The following STRA8 variants were observed in gnomAD, a reference collection of about 807,000 sequenced individuals.
The protein encoded by STRA8 is stimulated by retinoic acid gene 8 protein homolog.
Under a neutral mutation model 37.1 loss-of-function variants are expected in STRA8, and 18 were observed. The ratio of observed to expected loss-of-function variants is 0.48; its 90% CI spans 0.34 to 0.72. STRA8 has a LOEUF of 0.72. Among genes scored for constraint, STRA8 ranks in the 30% least tolerant of loss-of-function variants. STRA8 has a pLI of 0.01. For missense variants in STRA8, 357 were observed against 410.4 expected, an observed-to-expected ratio of 0.87 and a Z score of 1.13; for synonymous variants, 168 against 162.9, an observed-to-expected ratio of 1.03 and a Z score of -0.24.
chr7:135,232,565 C>T (rs1562966821), upstream of STRA8, among the ~76,000 whole-genome samples: 1 of 151,878 alleles, frequency 6.6e-6, no homozygotes, highest in African/African-American at 2.4e-5. Flanking sequence ...ATCGCTTGAG[C>T]CCGGGAATTC....
At chr7:135,258,237 T>A (rs950446563) in intron 8 of STRA8, among the ~76,000 whole-genome samples, 181 bp from the exon 9 acceptor site, 1 of 126,000 alleles carries the variant, frequency 7.9e-6, no homozygotes, top group Non-Finnish European at 1.6e-5. Context: ...GAAATGGAAA[T>A]GGGACCTTCC....
intron 2 of STRA8, 103 bp from the exon 3 acceptor site, chr7:135,242,678 C>A: frequency 2.0e-6 from 2 of 1,008,910 alleles, no homozygotes; most frequent in South Asian, 1.4e-5. Flanking sequence ...GACTTTGCAT[C>A]TGAGGGAGCG....
Position 135,255,139 on chromosome 7 carries a change from GA to G in STRA8, c.983del (p.Asn328ThrfsTer26). ...TTCAGTGCTTGCCAGCTGCAACCCA[GA>G]AAACCCAGAGGAGAAGTTTCAGCTC... is the stretch of plus-strand genomic sequence containing the variant. Reference protein sequence around the residue: ...SSSVLASCNPENPEEKFQLYM... With the variant: ...SSSVLASCNPXNPEEKFQLYM... On this transcript the variant is annotated frameshift_variant, in exon 8 of 9. Transcript: ENST00000662584. LOFTEE classifies it high-confidence loss of function. 6.2e-7 allele frequency: 1 copy of G among 1,614,016 alleles called. No homozygotes were observed. The highest frequency in any genetic ancestry group is 8.5e-7 in the Non-Finnish European group (1 of 1,179,924).
In STRA8 at chr7:135,246,851, T is replaced by A; in HGVS notation, c.879+149T>A. ...GGTTTCTGATTTTCTTTTTTCTCTT[T>A]TTTTTTTTTTTGAGACGGAGTCTCG... is the stretch of plus-strand genomic sequence containing the variant. On this transcript the variant is annotated intron_variant, in intron 6 of 8. Coordinates refer to ENST00000662584, the MANE Select transcript of STRA8 (RefSeq NM_001394401.1). The surrounding 1 kb of genome is among the most constrained non-coding windows in gnomAD (Gnocchi z 5.4). The A allele has an allele frequency of 2.8e-6, 2 of 723,238 alleles. No homozygotes were observed. The highest frequency in any genetic ancestry group is 4.1e-6 in the Non-Finnish European group (2 of 490,626). 44.8% of individuals were successfully genotyped at this position (723,238 alleles called of 1,614,324 possible). A position where few individuals can be genotyped will look rare whatever the true frequency, so the allele number is the denominator to read the frequency against.
intron 7 of STRA8, among the ~76,000 whole-genome samples, chr7:135,252,162 A>T (rs1026298722): frequency 6.6e-6 from 1 of 152,086 alleles, no homozygotes; most frequent in African/African-American, 2.4e-5. Flanking sequence ...TTATAAAGAA[A>T]AGAGGTTTAA....
intron 6 of STRA8, among the ~76,000 whole-genome samples, chr7:135,249,914 C>G (rs1350921293): frequency 6.6e-6 from 1 of 152,250 alleles, no homozygotes; most frequent in Non-Finnish European, 1.5e-5. Flanking sequence ...AGCAGATTCC[C>G]TCAGCTGTGG....
Position 135,245,337 on chromosome 7 carries a change from A to C in STRA8, c.403A>C (p.Thr135Pro). Reference sequence around the variant, plus strand: ...GAATGGTTCCTCCCCTTGGTGCCCAACTGAGGCAGTCAGGAAGGATGCTGA... The same window carrying C: ...GAATGGTTCCTCCCCTTGGTGCCCACCTGAGGCAGTCAGGAAGGATGCTGA... ...PQNGSSPWCP[T>P]EAVRKDAEEE... is the part of the protein sequence containing the mutation. The change falls in exon 5 of 9, where the codon ACT (threonine) becomes CCT (proline). Residue 135 changes from threonine (T) to proline (P), a missense_variant. Thr to Pro is a conservative substitution (Grantham distance 38). Transcript: ENST00000662584. The C allele has an allele frequency of 1.3e-6, 1 of 780,956 alleles. No individual in the cohort carries two copies. Among genetic ancestry groups the C allele is most frequent in the Non-Finnish European group, 2.4e-6 (1 of 418,088 alleles). The allele number at this position is 780,956 out of a possible 1,614,324, so 48.4% of individuals were successfully genotyped here.
intron 7 of STRA8, 149 bp from the exon 8 acceptor site, chr7:135,254,965 A>T (rs1011240286): frequency 1.5e-6 from 1 of 674,046 alleles, no homozygotes; most frequent in Non-Finnish European, 2.7e-6. Context: ...CAGAGGTAAC[A>T]CAAACCTTTC....
Position 135,242,971 on chromosome 7 carries a change from T to A in STRA8, c.268+115T>A, listed in dbSNP as rs1482582126. On this transcript the variant is annotated intron_variant, in intron 3 of 8. Coordinates refer to ENST00000662584, the MANE Select transcript of STRA8 (RefSeq NM_001394401.1). ...AATCAACAAATATTTATTGAGGGCCTACTGTGTGCCAGGAACTGTGCTTGG... is the reference window on the plus strand; with the variant it reads ...AATCAACAAATATTTATTGAGGGCCAACTGTGTGCCAGGAACTGTGCTTGG... 5 of 1,142,176 alleles carry A rather than the reference T, an allele frequency of 4.4e-6. No homozygotes were observed. The African/African-American group carries it at 4.6e-5, about 10-fold the overall frequency. 70.8% of individuals were successfully genotyped at this position (1,142,176 alleles called of 1,614,324 possible). A position where few individuals can be genotyped will look rare whatever the true frequency, so the allele number is the denominator to read the frequency against.
chr7:135,256,608 C>G (rs768977268), intron 8 of STRA8, among the ~76,000 whole-genome samples: 4 of 152,160 alleles, frequency 2.6e-5, no homozygotes, highest in Admixed American at 2.6e-4. Context: ...ATTTCAAGAC[C>G]AGTCTGGACA....
intron 2 of STRA8, among the ~76,000 whole-genome samples, chr7:135,242,072 AAAAG>A (rs1250850582): frequency 2.0e-5 from 3 of 149,240 alleles, no homozygotes; most frequent in African/African-American, 7.4e-5. Flanking sequence ...GAAGGAAAGA[AAAAG>A]GAAGGAAGGA....
intron 5 of STRA8, among the ~76,000 whole-genome samples, 198 bp downstream of exon 5, chr7:135,245,725 G>C (rs983738825): frequency 1.3e-5 from 2 of 152,210 alleles, no homozygotes; most frequent in Non-Finnish European, 2.9e-5. Flanking sequence ...AGAGAGGCTA[G>C]AGAAATAGTC....
chr7:135,258,396 T>A (rs760093669), intron 8 of STRA8, 22 bp from the exon 9 acceptor site: 2 of 1,584,070 alleles, frequency 1.3e-6, no homozygotes, highest in South Asian at 2.3e-5. Context: ...AAAGTGACCC[T>A]CTTCCACCCT....
At chr7:135,252,370 C>T (rs1195595422) in intron 7 of STRA8, among the ~76,000 whole-genome samples, 1 of 152,128 alleles carries the variant, frequency 6.6e-6, no homozygotes, top group Non-Finnish European at 1.5e-5. Flanking sequence ...CATCCACTTC[C>T]ATGATTCAAT....
chr7:135,236,278 A>ATGTG lies in STRA8; in HGVS notation c.-7+2396_-7+2399dup, dbSNP rs57585247. Among the ~76,000 whole-genome samples the ATGTG allele has an allele frequency of 4.5e-3, 618 of 138,008 alleles. 1 individual carries two copies. The highest frequency in any genetic ancestry group is 7.8e-3 in the Middle Eastern group (2 of 256). 90.5% of individuals were successfully genotyped at this position (138,008 alleles called of 152,430 possible). ...TTTATATATATATATGTGTGTGTGT[A>ATGTG]TGTGTGTGTGTGTGTGTGTGTGTGA... On this transcript the variant is annotated intron_variant, in intron 1 of 8. Coordinates refer to ENST00000662584, the MANE Select transcript of STRA8 (RefSeq NM_001394401.1).
chr7:135,234,078 G>A (rs1832331667), intron 1 of STRA8, among the ~76,000 whole-genome samples, 175 bp downstream of exon 1: 1 of 150,696 alleles, frequency 6.6e-6, no homozygotes, highest in South Asian at 2.1e-4. Context: ...GAGTGATTCT[G>A]GATGATGATG....
chr7:135,248,028 C>T (rs1832589917), intron 6 of STRA8, among the ~76,000 whole-genome samples: 1 of 152,242 alleles, frequency 6.6e-6, no homozygotes, highest in Non-Finnish European at 1.5e-5. Flanking sequence ...TTTCCAAATG[C>T]TCCTCAGTCG....
At chr7:135,231,918 G>A (rs1410117859), upstream of STRA8, 1 of 1,444,628 alleles carries the variant, frequency 6.9e-7, no homozygotes, top group East Asian at 2.3e-5. Flanking sequence ...CATATCCAGA[G>A]CTAGTGAGAG....
upstream of STRA8, chr7:135,231,941 C>T (rs201188683): frequency 1.3e-6 from 2 of 1,596,360 alleles, no homozygotes; most frequent in Admixed American, 1.7e-5. Flanking sequence ...CACCAGGAGG[C>T]CCCCAGTGTT....
Sources: allele counts gnomAD v4.1 joint callset (sites outside exome capture counted in the v4.1 genomes callset), GRCh38; gene constraint gnomAD v4.1.1; non-coding constraint Gnocchi (gnomAD v3.1); transcripts MANE v1.5; gene names NCBI Gene and HGNC (gene_info 2026-07-23, HGNC 2026-07-21).